TAFA5: variants seen among roughly 807,000 people sequenced by gnomAD.
TAFA5 encodes the protein TAFA chemokine like family member 5.
TAFA5 carries 6 observed loss-of-function variants against 15.3 expected under a neutral mutation model. The observed-to-expected ratio is 0.39, with a 90% confidence interval of 0.21 to 0.77. TAFA5 has a LOEUF of 0.77. TAFA5 is among the 30% of genes least tolerant of loss of function. The pLI, the probability that TAFA5 is intolerant of heterozygous loss-of-function variation, is 0.41. For synonymous variants in TAFA5, 103 were observed against 80.7 expected (o/e 1.28, Z -1.48); for missense variants, 161 against 193.1 (o/e 0.83, Z 0.98).
At chr22:48,531,608 G>A (rs1198826024) in intron 1 of TAFA5, among the ~76,000 whole-genome samples, 1 of 152,168 alleles carries the variant, frequency 6.6e-6, no homozygotes, top group Non-Finnish European at 1.5e-5. Flanking sequence ...CTTTGTGCAG[G>A]GGACTCTAGC....
intron 1 of TAFA5, among the ~76,000 whole-genome samples, chr22:48,491,955 G>A (rs571605958): frequency 6.6e-6 from 1 of 152,354 alleles, no homozygotes; most frequent in East Asian, 1.9e-4. Context: ...AAGCTTGGGT[G>A]AAGCACATTT....
chr22:48,633,500 G>C (rs1926308990), intron 1 of TAFA5, among the ~76,000 whole-genome samples: 1 of 52,684 alleles, frequency 1.9e-5, no homozygotes, highest in Non-Finnish European at 3.0e-5. Flanking sequence ...CTCTGTGTCT[G>C]TCTGTCTGTC....
intron 3 of TAFA5, among the ~76,000 whole-genome samples, chr22:48,712,420 A>T (rs568195195): frequency 1.3e-5 from 2 of 152,348 alleles, no homozygotes; most frequent in African/African-American, 4.8e-5. Context: ...TTAATTTAAT[A>T]GATCATGACC....
At chr22:48,727,889 AAAT>A (rs1466864169) in intron 3 of TAFA5, among the ~76,000 whole-genome samples, 2 of 152,252 alleles carry the variant, frequency 1.3e-5, no homozygotes, top group East Asian at 3.8e-4. Flanking sequence ...TCACATTTAG[AAAT>A]CATTATGCAC....
intron 3 of TAFA5, among the ~76,000 whole-genome samples, chr22:48,733,162 T>G (rs7287925): frequency 0.016 from 2,503 of 152,276 alleles, 77 homozygotes; most frequent in African/African-American, 0.056. Flanking sequence ...AATGACTATA[T>G]CACCAGACTG....
At position 48,489,652 on chromosome 22, in the gene TAFA5, C is replaced by A; in HGVS notation, c.60C>A (p.Ser20=). 6.5e-7 allele frequency: 1 copy of A among 1,531,960 alleles called. No homozygotes were observed. Among genetic ancestry groups the A allele is most frequent in the East Asian group, 2.7e-5 (1 of 36,656 alleles). The allele number at this position is 1,531,960 out of a possible 1,614,324, so 94.9% of individuals were successfully genotyped here. A position where few individuals can be genotyped will look rare whatever the true frequency, so the allele number is the denominator to read the frequency against. The change falls in exon 1 of 4, where the codon TCC becomes TCA. Residue 20 remains serine (S), a synonymous_variant. Transcript: ENST00000402357. This position sits in a 1 kb window ranked among gnomAD's most constrained non-coding sequence, Gnocchi z 5.5. ...ATGCGACCGCCCTGCCCAGCATGTCCTCAACTTTCTGGGCGTTCATGATCC... is the reference window on the plus strand; with the variant it reads ...ATGCGACCGCCCTGCCCAGCATGTCATCAACTTTCTGGGCGTTCATGATCC... ...RQDATALPSM[S]STFWAFMILA... is the part of the protein sequence containing the mutation.
At chr22:48,544,229 C>T (rs1922572487) in intron 1 of TAFA5, 1 of 188,238 alleles carries the variant, frequency 5.3e-6, no homozygotes. Flanking sequence ...CACAGAGCCC[C>T]ACCCAGCTCT....
intron 1 of TAFA5, among the ~76,000 whole-genome samples, chr22:48,607,636 T>C (rs1431865322): frequency 7.2e-6 from 1 of 139,514 alleles, no homozygotes; most frequent in African/African-American, 2.7e-5. Context: ...CCATCCCAGG[T>C]ACCTCAGTCT....
chr22:48,511,567 G>C (rs1360172842), intron 1 of TAFA5, among the ~76,000 whole-genome samples: 2 of 152,148 alleles, frequency 1.3e-5, no homozygotes, highest in African/African-American at 4.8e-5. Flanking sequence ...CCCTCGCCCA[G>C]GTCAAGACAA....
intron 2 of TAFA5, among the ~76,000 whole-genome samples, chr22:48,655,668 A>G (rs1927211252): frequency 6.6e-6 from 1 of 152,088 alleles, no homozygotes; most frequent in African/African-American, 2.4e-5. Flanking sequence ...TTTAGGGAAC[A>G]CTTTTAGACC....
At chr22:48,711,662 C>A (rs903763606) in intron 3 of TAFA5, among the ~76,000 whole-genome samples, 2 of 152,212 alleles carry the variant, frequency 1.3e-5, no homozygotes, top group Non-Finnish European at 2.9e-5. Flanking sequence ...AATTGGTTTT[C>A]TGCGAGATGA....
chr22:48,623,294 T>C (rs898669430), intron 1 of TAFA5, among the ~76,000 whole-genome samples: 1 of 132,460 alleles, frequency 7.5e-6, no homozygotes, highest in East Asian at 2.6e-4. Context: ...CGCGTGGCCC[T>C]GCGCGGTGAC....
Position 48,750,290 on chromosome 22 carries a change from T to A in TAFA5, c.*443T>A, listed in dbSNP as rs1930448700. 1 of 194,628 alleles carries A rather than the reference T, an allele frequency of 5.1e-6. No individual in the cohort carries two copies. The highest frequency in any genetic ancestry group is 1.2e-4 in the South Asian group (1 of 8,532). 12.1% of individuals were successfully genotyped at this position (194,628 alleles called of 1,614,324 possible). ...CCGTGCCCCAGACTGTCCGAATTGC[T>A]TTTATTTTCTTATACTTTCAGTATA... On this transcript the variant is annotated 3_prime_UTR_variant, in exon 4 of 4. Coordinates refer to ENST00000402357, the MANE Select transcript of TAFA5 (RefSeq NM_001082967.3).
At chr22:48,570,944 T>A (rs966790207) in intron 1 of TAFA5, among the ~76,000 whole-genome samples, 21 of 152,306 alleles carry the variant, frequency 1.4e-4, no homozygotes, top group Admixed American at 3.9e-4. Flanking sequence ...TTCTTCACAG[T>A]TTTTCTACTT....
At chr22:48,556,522 T>G (rs1923044950) in intron 1 of TAFA5, among the ~76,000 whole-genome samples, 2 of 152,264 alleles carry the variant, frequency 1.3e-5, no homozygotes, top group Non-Finnish European at 2.9e-5. Flanking sequence ...AAGAGAAGCT[T>G]CTTGGCAGGC....
chr22:48,587,197 GA>G (rs1381349671), intron 1 of TAFA5, among the ~76,000 whole-genome samples: 1 of 152,218 alleles, frequency 6.6e-6, no homozygotes, highest in East Asian at 1.9e-4. Flanking sequence ...CTTCTGTGTG[GA>G]GGCCCATGAC....
chr22:48,633,188 C>G (rs995593599), intron 1 of TAFA5, among the ~76,000 whole-genome samples: 1 of 152,144 alleles, frequency 6.6e-6, no homozygotes, highest in Non-Finnish European at 1.5e-5. Context: ...ACTCCAGAGC[C>G]GACCTGAACC....
Position 48,553,974 on chromosome 22 carries a change from G to T in TAFA5, c.112+64270G>T, listed in dbSNP as rs1029125358. 2.0e-5 allele frequency among the ~76,000 whole-genome samples: 3 copies of T among 152,250 alleles called. 1 individual carries two copies. The highest frequency in any genetic ancestry group is 7.2e-5 in the African/African-American group (3 of 41,468). On this transcript the variant is annotated intron_variant, in intron 1 of 3. Transcript: ENST00000402357. ...CAGGCCACTGAATGGGAGCATCAAA[G>T]AAGATACGGAAATTCCCCCAAAGCG...
At position 48,544,431 on chromosome 22, in the gene TAFA5, G is replaced by A. The variant is rs1347040706; in HGVS notation, c.112+54727G>A. On this transcript the variant is annotated intron_variant, in intron 1 of 3. Coordinates refer to ENST00000402357, the MANE Select transcript of TAFA5 (RefSeq NM_001082967.3). ...CAGTCTTGGGTTTGCCAGGGACTCCGTCAGCCCGTCCCTCGAGGTGACATC... is the reference window on the plus strand; with the variant it reads ...CAGTCTTGGGTTTGCCAGGGACTCCATCAGCCCGTCCCTCGAGGTGACATC... 2.9e-5 allele frequency: 10 copies of A among 347,574 alleles called. 1 individual carries two copies. The highest frequency in any genetic ancestry group is 7.5e-5 in the East Asian group (1 of 13,364). 21.5% of individuals were successfully genotyped at this position (347,574 alleles called of 1,614,324 possible).
Sources: gnomAD v4.1 joint callset for allele counts (sites outside exome capture counted in the v4.1 genomes callset) on GRCh38, gnomAD v4.1.1 for gene constraint, Gnocchi (gnomAD v3.1) non-coding constraint, MANE v1.5 for transcripts, NCBI Gene and HGNC (gene_info 2026-07-23, HGNC 2026-07-21) for gene names.